RUSC2: variants seen among roughly 807,000 people sequenced by gnomAD.
RUSC2 encodes AP-4 complex accessory subunit RUSC2.
RUSC2 carries 34 observed loss-of-function variants against 122.2 expected under a neutral mutation model. That is an observed-to-expected ratio of 0.28 (90% CI 0.21 to 0.37). The LOEUF is 0.37. Ranked by LOEUF, RUSC2 falls within the 10% of genes least tolerant of loss-of-function variation. The probability of loss-of-function intolerance (pLI) is 1.00; values close to 1 mark genes in which losing one functional copy is unlikely to be tolerated. For synonymous variants in RUSC2, 784 were observed against 790.0 expected, an observed-to-expected ratio of 0.99 and a Z score of 0.13; for missense variants, 1,747 against 1,952.4, an observed-to-expected ratio of 0.89 and a Z score of 1.98.
At position 35,561,222 on chromosome 9, in the gene RUSC2, G is replaced by C. The variant is rs1822159884; in HGVS notation, c.4391G>C (p.Gly1464Ala). The C allele has an allele frequency of 6.2e-7, 1 of 1,614,058 alleles. No homozygotes were observed. Among genetic ancestry groups the C allele is most frequent in the African/African-American group, 1.3e-5 (1 of 74,940 alleles). The change falls in exon 12 of 12, where the codon GGA becomes GCA. Residue 1464 changes from glycine to alanine, a missense_variant. Coordinates refer to ENST00000361226, the MANE Select transcript of RUSC2 (RefSeq NM_014806.5). ...ALCHHLATGP[G>A]QLSFHKGDIL... Reference sequence around the variant, plus strand: ...TGCCACCACCTGGCCACCGGCCCTGGACAGCTGAGCTTCCACAAAGGAGAC... The same window carrying C: ...TGCCACCACCTGGCCACCGGCCCTGCACAGCTGAGCTTCCACAAAGGAGAC...
At chr9:35,553,977 A>G (rs983755133) in intron 2 of RUSC2, among the ~76,000 whole-genome samples, 1 of 152,224 alleles carries the variant, frequency 6.6e-6, no homozygotes, top group Non-Finnish European at 1.5e-5. Context: ...TAGCTCTGCC[A>G]CTTCCTAGTT....
chr9:35,524,831 C>A (rs112179183), intron 1 of RUSC2, among the ~76,000 whole-genome samples: 1 of 151,928 alleles, frequency 6.6e-6, no homozygotes, highest in African/African-American at 2.4e-5. Context: ...ATTAGCCGGG[C>A]GTGGTGGCGG....
At chr9:35,520,361 C>A (rs1821189656) in intron 1 of RUSC2, among the ~76,000 whole-genome samples, 1 of 152,184 alleles carries the variant, frequency 6.6e-6, no homozygotes. Flanking sequence ...GAGGGGTGTA[C>A]TTGAATAAAA....
chr9:35,521,219 T>G (rs554289184), intron 1 of RUSC2, among the ~76,000 whole-genome samples: 1 of 152,244 alleles, frequency 6.6e-6, no homozygotes, highest in African/African-American at 2.4e-5. Context: ...CCTTAAGAGG[T>G]CATCTGATTG....
intron 1 of RUSC2, among the ~76,000 whole-genome samples, chr9:35,544,246 T>A (rs1821699098): frequency 6.6e-6 from 1 of 152,140 alleles, no homozygotes; most frequent in African/African-American, 2.4e-5. Flanking sequence ...GACACTTGTA[T>A]GTCTTCTTCA....
At chr9:35,519,064 T>C (rs915530504) in intron 1 of RUSC2, among the ~76,000 whole-genome samples, 1 of 152,182 alleles carries the variant, frequency 6.6e-6, no homozygotes, top group African/African-American at 2.4e-5. Flanking sequence ...CAGCTGGACA[T>C]ATGAAAGCTC....
intron 1 of RUSC2, among the ~76,000 whole-genome samples, chr9:35,501,659 T>C (rs185755171): frequency 7.2e-5 from 11 of 152,320 alleles, no homozygotes; most frequent in Admixed American, 6.5e-4. Flanking sequence ...ATGGTTGGGT[T>C]TGGGATATAT....
At chr9:35,516,785 G>C (rs558807970) in intron 1 of RUSC2, among the ~76,000 whole-genome samples, 2 of 152,310 alleles carry the variant, frequency 1.3e-5, no homozygotes, top group East Asian at 3.9e-4. Context: ...TAGAGTAGGA[G>C]TCAATCAGCA....
chr9:35,496,481 A>G (rs10972496), intron 1 of RUSC2, among the ~76,000 whole-genome samples: 2 of 152,114 alleles, frequency 1.3e-5, no homozygotes, highest in Non-Finnish European at 1.5e-5. Context: ...TCAAGCTTGC[A>G]CTTGGCCAGC....
At position 35,547,382 on chromosome 9, in the gene RUSC2, C is replaced by T. The variant is rs1821776778; in HGVS notation, c.861C>T (p.Leu287=). ...GTGTGCTGGTCACCTTCAGCACCCT[C>T]TACAACAAGATGCATGGCACCCCCC... ...SDGVLVTFST[L]YNKMHGTPRA... is the part of the protein sequence containing the mutation. The change falls in exon 2 of 12, where the codon CTC becomes CTT. Residue 287 remains leucine, a synonymous_variant. Coordinates refer to ENST00000361226, the MANE Select transcript of RUSC2 (RefSeq NM_014806.5). The surrounding 1 kb of genome is among the most constrained non-coding windows in gnomAD (Gnocchi z 4.6). 1 of 1,614,060 alleles carries T rather than the reference C, an allele frequency of 6.2e-7. No individual in the cohort carries two copies. The highest frequency in any genetic ancestry group is 8.5e-7 in the Non-Finnish European group (1 of 1,180,022).
At chr9:35,552,708 G>A (rs1002755205) in intron 2 of RUSC2, among the ~76,000 whole-genome samples, 3 of 152,196 alleles carry the variant, frequency 2.0e-5, no homozygotes, top group African/African-American at 7.2e-5. Flanking sequence ...ATCTTAAGAA[G>A]GAACTGAGGA....
chr9:35,493,188 T>C (rs887185871), intron 1 of RUSC2, among the ~76,000 whole-genome samples: 13 of 152,126 alleles, frequency 8.5e-5, no homozygotes, highest in African/African-American at 3.1e-4. Context: ...TCTTTGTGTT[T>C]ATACATTCCC....
chr9:35,539,567 ACATACATG>A (rs1245561462), intron 1 of RUSC2, among the ~76,000 whole-genome samples: 3 of 117,396 alleles, frequency 2.6e-5, no homozygotes, highest in Non-Finnish European at 6.0e-5. Context: ...ACACATACAT[ACATACATG>A]CATGCATGCA....
Position 35,558,374 on chromosome 9 carries a change from A to G in RUSC2, c.3235+3A>G, listed in dbSNP as rs1350347020. ...GGTTGAGGCTTCCACACAGCTAGGT[A>G]GGTGCTGGGTGCCAAGACGGGGACC... On this transcript the variant is annotated splice_donor_region_variant and intron_variant, in intron 7 of 11. Coordinates refer to ENST00000361226, the MANE Select transcript of RUSC2 (RefSeq NM_014806.5). The surrounding 1 kb of genome is among the most constrained non-coding windows in gnomAD (Gnocchi z 4.3). 2 of 1,613,928 alleles carry G rather than the reference A, an allele frequency of 1.2e-6. No individual in the cohort carries two copies. Among genetic ancestry groups the G allele is most frequent in the Admixed American group, 1.7e-5 (1 of 60,012 alleles).
chr9:35,547,922 A>G lies in RUSC2; in HGVS notation c.1401A>G (p.Ala467=), dbSNP rs1362835314. 2 of 1,614,148 alleles carry G rather than the reference A, an allele frequency of 1.2e-6. No homozygotes were observed. The highest frequency in any genetic ancestry group is 4.5e-5 in the East Asian group (2 of 44,900). The change falls in exon 2 of 12, where the codon GCA becomes GCG. Residue 467 remains alanine (A), a synonymous_variant. Transcript: ENST00000361226. This position sits in a 1 kb window ranked among gnomAD's most constrained non-coding sequence, Gnocchi z 4.6. ...EQEAVSSSTQ[A]AAAVGPTVLE... Reference sequence around the variant, plus strand: ...AAGCAGTGAGTTCCTCCACCCAAGCAGCAGCTGCTGTGGGCCCCACTGTGC... The same window carrying G: ...AAGCAGTGAGTTCCTCCACCCAAGCGGCAGCTGCTGTGGGCCCCACTGTGC...
intron 1 of RUSC2, among the ~76,000 whole-genome samples, chr9:35,508,369 A>C (rs118092565): frequency 1.3e-5 from 2 of 152,308 alleles, no homozygotes; most frequent in East Asian, 3.9e-4. Flanking sequence ...CTTCCTCCAC[A>C]CATGCCTGTG....
chr9:35,535,249 G>T (rs1016124516), intron 1 of RUSC2, among the ~76,000 whole-genome samples: 1 of 151,816 alleles, frequency 6.6e-6, no homozygotes, highest in Non-Finnish European at 1.5e-5. Flanking sequence ...CCGAATAGCT[G>T]GGGTTACAGG....
At chr9:35,516,946 G>T (rs747914277) in intron 1 of RUSC2, among the ~76,000 whole-genome samples, 8 of 152,092 alleles carry the variant, frequency 5.3e-5, no homozygotes, top group Non-Finnish European at 8.8e-5. Flanking sequence ...TTGAGGCAAT[G>T]GATATGTTAA....
chr9:35,501,840 T>C (rs1468724280), intron 1 of RUSC2, among the ~76,000 whole-genome samples: 1 of 152,184 alleles, frequency 6.6e-6, no homozygotes, highest in Admixed American at 6.5e-5. Context: ...CCTTTTTTCC[T>C]CCTTTAGTTT....
Sources: gnomAD v4.1 joint callset for allele counts (sites outside exome capture counted in the v4.1 genomes callset) on GRCh38, gnomAD v4.1.1 for gene constraint, Gnocchi (gnomAD v3.1) non-coding constraint, MANE v1.5 for transcripts, NCBI Gene and HGNC (gene_info 2026-07-23, HGNC 2026-07-21) for gene names.